GRID2: variants seen among roughly 807,000 people sequenced by gnomAD.
GRID2 encodes glutamate ionotropic receptor delta type subunit 2.
A neutral mutation model predicts 114.8 loss-of-function variants in GRID2; 33 were observed. That is an observed-to-expected ratio of 0.29 (90% CI 0.22 to 0.38). The LOEUF (loss-of-function observed/expected upper bound fraction) is 0.38. Ranked by LOEUF, GRID2 falls within the 10% of genes least tolerant of loss-of-function variation. The probability of loss-of-function intolerance (pLI) is 1.00; values close to 1 mark genes in which losing one functional copy is unlikely to be tolerated. For missense variants in GRID2, 1,184 were observed against 1,257.7 expected, an observed-to-expected ratio of 0.94 and a Z score of 0.89; for synonymous variants, 505 against 449.9, an observed-to-expected ratio of 1.12 and a Z score of -1.55.
At position 93,567,630 on chromosome 4, in the gene GRID2, A is replaced by G. The variant is rs544956942; in HGVS notation, c.2193+52219A>G. ...AAGATATATGTGTGTTGTGTTGGGAAATAAAAGGCACAAATTTAACAGACA... is the reference window on the plus strand; with the variant it reads ...AAGATATATGTGTGTTGTGTTGGGAGATAAAAGGCACAAATTTAACAGACA... On this transcript the variant is annotated intron_variant, in intron 13 of 15. Transcript: ENST00000282020. Among the ~76,000 whole-genome samples the G allele has an allele frequency of 2.0e-5, 3 of 152,334 alleles. No homozygotes were observed. In the East Asian group the frequency reaches 5.8e-4, roughly 29 times the overall value.
chr4:93,168,336 A>G (rs564364606), intron 4 of GRID2, among the ~76,000 whole-genome samples: 1 of 152,252 alleles, frequency 6.6e-6, no homozygotes, highest in Non-Finnish European at 1.5e-5. Flanking sequence ...CAAATTCACC[A>G]TAATAAAGGC....
chr4:92,570,649 T>A (rs768181526), intron 1 of GRID2, among the ~76,000 whole-genome samples: 3 of 151,956 alleles, frequency 2.0e-5, no homozygotes, highest in Non-Finnish European at 4.4e-5. Flanking sequence ...GTTTATAGTT[T>A]TTCTTGAAGA....
At chr4:92,634,859 CAGAG>C (rs71682478) in intron 2 of GRID2, among the ~76,000 whole-genome samples, 12 of 143,064 alleles carry the variant, frequency 8.4e-5, no homozygotes, top group Non-Finnish European at 1.2e-4. Context: ...TGCAGAGAGA[CAGAG>C]AGAGAGAGAG....
intron 3 of GRID2, among the ~76,000 whole-genome samples, 159 bp downstream of exon 3, chr4:93,085,438 G>A (rs1032880234): frequency 1.3e-5 from 2 of 152,108 alleles, no homozygotes; most frequent in Admixed American, 6.6e-5. Context: ...TGAAAATTGT[G>A]TTAATGTATT....
chr4:92,649,111 T>C (rs1184697715), intron 2 of GRID2, among the ~76,000 whole-genome samples: 3 of 103,816 alleles, frequency 2.9e-5, no homozygotes, highest in Admixed American at 9.2e-5. Flanking sequence ...AACTACAAGG[T>C]GTAGCTACTA....
intron 6 of GRID2, among the ~76,000 whole-genome samples, chr4:93,222,008 G>A (rs192875991): frequency 1.8e-4 from 28 of 152,206 alleles, no homozygotes; most frequent in Admixed American, 5.2e-4. Context: ...GTGTCTCAAC[G>A]TCTGCCAAAC....
chr4:93,372,552 C>G (rs1437970283), intron 8 of GRID2, among the ~76,000 whole-genome samples: 2 of 151,920 alleles, frequency 1.3e-5, no homozygotes. Flanking sequence ...TCTGGGCCTC[C>G]CTCTTTGTTT....
intron 1 of GRID2, among the ~76,000 whole-genome samples, chr4:92,450,306 T>C (rs1237839723): frequency 6.6e-6 from 1 of 152,096 alleles, no homozygotes; most frequent in African/African-American, 2.4e-5. Flanking sequence ...AGTGAGGCAT[T>C]AAGCATGTCC....
intron 2 of GRID2, among the ~76,000 whole-genome samples, chr4:92,814,414 AG>A: frequency 6.6e-6 from 1 of 152,272 alleles, no homozygotes; most frequent in Non-Finnish European, 1.5e-5. Context: ...GTACCCAAAA[AG>A]AACCTCTTCA....
chr4:92,499,796 GT>G (rs763187208), intron 1 of GRID2, among the ~76,000 whole-genome samples: 29 of 152,232 alleles, frequency 1.9e-4, no homozygotes, highest in Middle Eastern at 3.4e-3. Context: ...TGTATATTTA[GT>G]AGACACAGGG....
At chr4:93,206,591 T>TAC (rs5860312) in intron 4 of GRID2, among the ~76,000 whole-genome samples, 14,508 of 142,834 alleles carry the variant, frequency 0.1, 787 homozygotes, top group East Asian at 0.13. Context: ...CTGCCCCTAC[T>TAC]ACACACACAC....
chr4:92,867,499 G>C (rs1744956169), intron 2 of GRID2, among the ~76,000 whole-genome samples: 1 of 151,858 alleles, frequency 6.6e-6, no homozygotes, highest in Non-Finnish European at 1.5e-5. Context: ...AATTTAGCTT[G>C]AGTACTCCAG....
intron 1 of GRID2, among the ~76,000 whole-genome samples, chr4:92,338,200 G>C (rs1727284429): frequency 6.6e-6 from 1 of 152,146 alleles, no homozygotes; most frequent in Non-Finnish European, 1.5e-5. Flanking sequence ...GCATGTTTTA[G>C]AGAAATTGAA....
intron 1 of GRID2, among the ~76,000 whole-genome samples, chr4:92,492,799 A>G (rs1297463070): frequency 6.6e-6 from 1 of 152,144 alleles, no homozygotes; most frequent in Non-Finnish European, 1.5e-5. Flanking sequence ...AAAAGGTTGC[A>G]TAATAACTAA....
At chr4:93,671,392 ACTGT>A (rs1291720537) in intron 14 of GRID2, among the ~76,000 whole-genome samples, 1 of 152,198 alleles carries the variant, frequency 6.6e-6, no homozygotes, top group South Asian at 2.1e-4. Flanking sequence ...CACTGCATTG[ACTGT>A]CTGGTATAGA....
intron 1 of GRID2, among the ~76,000 whole-genome samples, chr4:92,496,859 T>C (rs1334884621): frequency 1.3e-5 from 2 of 151,684 alleles, no homozygotes; most frequent in African/African-American, 4.8e-5. Context: ...GATATCTTTT[T>C]CCAGTGAAAT....
chr4:92,671,555 A>G (rs1733072389), intron 2 of GRID2, among the ~76,000 whole-genome samples: 1 of 152,222 alleles, frequency 6.6e-6, no homozygotes, highest in South Asian at 2.1e-4. Flanking sequence ...ACCAAGTTCC[A>G]AACAGACAGT....
intron 4 of GRID2, among the ~76,000 whole-genome samples, chr4:93,162,002 A>G (rs1161386764): frequency 2.0e-5 from 3 of 151,850 alleles, no homozygotes; most frequent in Non-Finnish European, 2.9e-5. Context: ...TTTCCAAAAA[A>G]TGATCTCCCT....
chr4:92,774,205 C>T (rs1331412603), intron 2 of GRID2, among the ~76,000 whole-genome samples: 1 of 151,998 alleles, frequency 6.6e-6, no homozygotes, highest in East Asian at 1.9e-4. Context: ...AGGAGTTAGA[C>T]AGGAAAAGTA....
Sources: allele counts gnomAD v4.1 joint callset (sites outside exome capture counted in the v4.1 genomes callset), GRCh38; gene constraint gnomAD v4.1.1; transcripts MANE v1.5; gene names NCBI Gene and HGNC (gene_info 2026-07-23, HGNC 2026-07-21).